ZBBX: variants seen among roughly 807,000 people sequenced by gnomAD.
ZBBX encodes zinc finger B-box domain containing.
In ZBBX, 101 loss-of-function variants were observed where a neutral mutation model predicts 108.5. That is an observed-to-expected ratio of 0.93 (90% CI 0.79 to 1.10). The LOEUF is 1.10. ZBBX is among the 50% of genes least tolerant of loss of function. The probability of loss-of-function intolerance (pLI) is 0.00; values close to 1 mark genes in which losing one functional copy is unlikely to be tolerated. For synonymous variants in ZBBX, 356 were observed against 323.4 expected, an observed-to-expected ratio of 1.10 and a Z score of -1.08; for missense variants, 1,009 against 941.4, an observed-to-expected ratio of 1.07 and a Z score of -0.94.
At chr3:167,366,043 T>C in intron 5 of ZBBX, 67 bp from the exon 6 acceptor site, 1 of 1,245,772 alleles carries the variant, frequency 8.0e-7, no homozygotes. Context: ...TGAAAAGAAA[T>C]ACAGTGTTCC....
intron 18 of ZBBX, among the ~76,000 whole-genome samples, chr3:167,297,195 C>T (rs545793729): frequency 6.6e-6 from 1 of 152,054 alleles, no homozygotes; most frequent in East Asian, 1.9e-4. Context: ...TGTATTATCT[C>T]ACCAATCATT....
chr3:167,359,510 G>A (rs1349441764), intron 8 of ZBBX, among the ~76,000 whole-genome samples: 1 of 152,120 alleles, frequency 6.6e-6, no homozygotes, highest in African/African-American at 2.4e-5. Context: ...ACAATAATGG[G>A]GTGCAGGCTT....
intron 1 of ZBBX, among the ~76,000 whole-genome samples, chr3:167,390,467 C>CT (rs1458989122): frequency 1.3e-5 from 2 of 149,890 alleles, no homozygotes; most frequent in Non-Finnish European, 3.0e-5. Context: ...GCTATACGGG[C>CT]TCTTTTTTGG....
intron 11 of ZBBX, among the ~76,000 whole-genome samples, chr3:167,325,782 T>G (rs982823663): frequency 1.3e-5 from 2 of 152,092 alleles, no homozygotes; most frequent in African/African-American, 4.8e-5. Flanking sequence ...TGCCCAAATA[T>G]TAGCAAATAA....
At chr3:167,389,421 T>C (rs1482049879) in intron 1 of ZBBX, among the ~76,000 whole-genome samples, 1 of 152,154 alleles carries the variant, frequency 6.6e-6, no homozygotes, top group East Asian at 1.9e-4. Context: ...CTATTGTAAA[T>C]AGTGCTGCAA....
chr3:167,193,292 T>C, the ZBBX span, among the ~76,000 whole-genome samples: 1 of 152,164 alleles, frequency 6.6e-6, no homozygotes, highest in African/African-American at 2.4e-5. Flanking sequence ...GGGGCTAACC[T>C]GGTAGTGTGG....
chr3:167,294,346 G>C (rs538586362), intron 18 of ZBBX, among the ~76,000 whole-genome samples: 2 of 152,232 alleles, frequency 1.3e-5, no homozygotes, highest in East Asian at 3.9e-4. Flanking sequence ...TACCAAAACA[G>C]ATATATAGAC....
intron 15 of ZBBX, among the ~76,000 whole-genome samples, chr3:167,314,540 C>A (rs1389099694): frequency 6.6e-6 from 1 of 152,012 alleles, no homozygotes; most frequent in African/African-American, 2.4e-5. Context: ...ATTTAGGTTT[C>A]AAAGTTTAAT....
chr3:167,363,791 C>T (rs762511586), intron 6 of ZBBX, among the ~76,000 whole-genome samples: 20 of 152,000 alleles, frequency 1.3e-4, no homozygotes, highest in Non-Finnish European at 2.6e-4. Context: ...TGCTTCCCAC[C>T]GTTTTCTTTT....
At chr3:167,229,431 T>G in the ZBBX span, among the ~76,000 whole-genome samples, 7 of 151,890 alleles carry the variant, frequency 4.6e-5, no homozygotes, top group Non-Finnish European at 1.0e-4. Context: ...GAATTCATAT[T>G]TTATTCATTT....
chr3:167,252,929 G>C (rs969058987), intron 20 of ZBBX, among the ~76,000 whole-genome samples: 9 of 152,124 alleles, frequency 5.9e-5, no homozygotes, highest in African/African-American at 1.9e-4. Context: ...ATTAAAAACT[G>C]TATGTTTGTC....
At chr3:167,239,012 C>T (rs962935140), downstream of ZBBX, among the ~76,000 whole-genome samples, 1 of 152,030 alleles carries the variant, frequency 6.6e-6, no homozygotes, top group Non-Finnish European at 1.5e-5. Context: ...ATCTACCTAT[C>T]TATCAGTTGA....
chr3:167,269,986 A>T (rs1481612053), intron 20 of ZBBX, among the ~76,000 whole-genome samples: 2 of 152,136 alleles, frequency 1.3e-5, no homozygotes, highest in African/African-American at 4.8e-5. Context: ...GGGTTTGCAG[A>T]CTCACCCAAC....
the ZBBX span, among the ~76,000 whole-genome samples, chr3:167,209,273 T>C: frequency 1.3e-5 from 2 of 151,130 alleles, no homozygotes. Context: ...TTCTCATGGG[T>C]CTTGGGTGAG....
chr3:167,331,722 C>G, intron 10 of ZBBX: 3 of 495,730 alleles, frequency 6.1e-6, no homozygotes, highest in Non-Finnish European at 7.8e-6. Flanking sequence ...CATAGAAATT[C>G]AATGCTGTAC....
At chr3:167,398,614 T>C (rs1377747964) in intron 1 of ZBBX, among the ~76,000 whole-genome samples, 1 of 152,026 alleles carries the variant, frequency 6.6e-6, no homozygotes, top group East Asian at 1.9e-4. Context: ...CACTAACTGG[T>C]TGGATTTATT....
At chr3:167,330,945 T>TTCTCTCTCTCTCTCTTTCTCTC (rs1553820806) in intron 10 of ZBBX, among the ~76,000 whole-genome samples, 26 of 87,202 alleles carry the variant, frequency 3.0e-4, no homozygotes, top group Admixed American at 7.1e-4. Context: ...CTCTCTTTCT[T>TTCTCTCTCTCTCTCTTTCTCTC]TCTCTCTCTC....
Position 167,353,552 on chromosome 3 carries a change from G to A in ZBBX, c.433-3037C>T, listed in dbSNP as rs538672953. Among the ~76,000 whole-genome samples, 44 of 152,098 alleles carry A rather than the reference G, an allele frequency of 2.9e-4. No individual in the cohort carries two copies. The South Asian group carries it at 5.8e-3, about 20-fold the overall frequency. The stretch of plus-strand genomic sequence containing the variant: ...GACTGAAAAATTACATAGTGGCTAT[G>A]ATGTTCCCATTCAGATGATGGGTAC... On this transcript the variant is annotated intron_variant, in intron 8 of 21. Coordinates refer to ENST00000675490, the MANE Select transcript of ZBBX (RefSeq NM_001199201.2).
At chr3:167,319,397 A>C (rs1192598753) in intron 12 of ZBBX, among the ~76,000 whole-genome samples, 2 of 152,018 alleles carry the variant, frequency 1.3e-5, no homozygotes, top group African/African-American at 4.8e-5. Flanking sequence ...AGCTCAAGGG[A>C]ATGTGGTTGT....
Sources: allele counts gnomAD v4.1 joint callset (sites outside exome capture counted in the v4.1 genomes callset), GRCh38; gene constraint gnomAD v4.1.1; transcripts MANE v1.5; gene names NCBI Gene and HGNC (gene_info 2026-07-23, HGNC 2026-07-21).